AFG2A: variants seen among roughly 807,000 people sequenced by gnomAD.
AFG2A encodes AAA ATPase AFG2A.
the AFG2A span, among the ~76,000 whole-genome samples, chr4:123,196,154 C>G: frequency 2.7e-5 from 4 of 147,480 alleles, no homozygotes; most frequent in Admixed American, 2.8e-4. Context: ...GCGCCCACCA[C>G]CATGCCCAGC....
chr4:123,147,368 AC>A, the AFG2A span, among the ~76,000 whole-genome samples: 1 of 152,122 alleles, frequency 6.6e-6, no homozygotes, highest in Non-Finnish European at 1.5e-5. Flanking sequence ...TACAGGTATT[AC>A]GTTTGAGAGA....
At chr4:123,042,416 G>A in the AFG2A span, among the ~76,000 whole-genome samples, 24,380 of 151,916 alleles carry the variant, frequency 0.16, 2,391 homozygotes, top group East Asian at 0.45. Context: ...CCACCCTCAT[G>A]AACTAATTAC....
At chr4:123,254,653 T>A in the AFG2A span, among the ~76,000 whole-genome samples, 3 of 152,198 alleles carry the variant, frequency 2.0e-5, no homozygotes, top group Non-Finnish European at 4.4e-5. Flanking sequence ...AATATTTAAT[T>A]CATTGATTTT....
the AFG2A span, among the ~76,000 whole-genome samples, chr4:123,157,098 C>T: frequency 1.3e-5 from 2 of 151,996 alleles, no homozygotes; most frequent in African/African-American, 4.8e-5. Context: ...TCACTGCAAC[C>T]TCCACCTCCC....
chr4:123,280,550 A>G, the AFG2A span, among the ~76,000 whole-genome samples: 2 of 152,214 alleles, frequency 1.3e-5, no homozygotes, highest in African/African-American at 4.8e-5. Context: ...CCTCTTGGGA[A>G]CAATCCATTT....
At chr4:122,945,635 C>T in the AFG2A span, among the ~76,000 whole-genome samples, 6 of 152,322 alleles carry the variant, frequency 3.9e-5, no homozygotes, top group Admixed American at 6.5e-5. Context: ...GGCTCGCACA[C>T]GGTGCGCTGC....
chr4:123,045,270 G>C, the AFG2A span, among the ~76,000 whole-genome samples: 1 of 152,010 alleles, frequency 6.6e-6, no homozygotes, highest in Non-Finnish European at 1.5e-5. Flanking sequence ...GAATTTAGTT[G>C]CTGCCATATG....
At chr4:123,234,405 A>C in the AFG2A span, among the ~76,000 whole-genome samples, 1 of 152,116 alleles carries the variant, frequency 6.6e-6, no homozygotes, top group Non-Finnish European at 1.5e-5. Context: ...TGAGGATTGC[A>C]CTAATTACCA....
the AFG2A span, among the ~76,000 whole-genome samples, chr4:123,001,446 T>C: frequency 1.3e-5 from 2 of 151,976 alleles, no homozygotes; most frequent in Admixed American, 6.6e-5. Context: ...CATTTAGTGC[T>C]ATAAATTTCC....
the AFG2A span, among the ~76,000 whole-genome samples, chr4:123,108,568 C>G: frequency 6.6e-6 from 1 of 152,016 alleles, no homozygotes; most frequent in African/African-American, 2.4e-5. Flanking sequence ...TATTTGATGA[C>G]AGACTTAGTC....
the AFG2A span, among the ~76,000 whole-genome samples, chr4:122,999,737 A>G: frequency 1.7e-3 from 264 of 152,338 alleles, no homozygotes; most frequent in African/African-American, 6.0e-3. Context: ...GAAGTCAGGT[A>G]GCATGATGCC....
chr4:123,122,742 A>C, the AFG2A span, among the ~76,000 whole-genome samples: 1 of 151,782 alleles, frequency 6.6e-6, no homozygotes, highest in Non-Finnish European at 1.5e-5. Flanking sequence ...AATGGAATAG[A>C]AAACTACTTT....
chr4:123,112,733 G>A, the AFG2A span, among the ~76,000 whole-genome samples: 1 of 151,876 alleles, frequency 6.6e-6, no homozygotes. Context: ...GACCATAAAA[G>A]CTTCTTCCAA....
chr4:123,245,208 G>A, the AFG2A span, among the ~76,000 whole-genome samples: 1 of 152,116 alleles, frequency 6.6e-6, no homozygotes, highest in East Asian at 1.9e-4. Flanking sequence ...CAAATAACAG[G>A]AGACGATGCT....
the AFG2A span, among the ~76,000 whole-genome samples, chr4:123,055,055 C>G: frequency 6.6e-6 from 1 of 152,094 alleles, no homozygotes; most frequent in Admixed American, 6.5e-5. Context: ...AAATCTGAAC[C>G]CCTGCCTCCC....
At chr4:123,152,335 G>A in the AFG2A span, among the ~76,000 whole-genome samples, 1 of 152,076 alleles carries the variant, frequency 6.6e-6, no homozygotes, top group Non-Finnish European at 1.5e-5. Flanking sequence ...CAAGCTACAG[G>A]CTGGGGGAGA....
At chr4:123,167,999 A>G in the AFG2A span, among the ~76,000 whole-genome samples, 1 of 152,198 alleles carries the variant, frequency 6.6e-6, no homozygotes, top group Admixed American at 6.5e-5. Flanking sequence ...ACACCTATGC[A>G]CACCAAACTG....
the AFG2A span, among the ~76,000 whole-genome samples, chr4:123,201,050 T>G: frequency 6.6e-6 from 1 of 152,240 alleles, no homozygotes; most frequent in African/African-American, 2.4e-5. Flanking sequence ...CATTAAAGTT[T>G]TGTTTGAAAT....
chr4:123,006,033 T>C, the AFG2A span, among the ~76,000 whole-genome samples: 1 of 151,878 alleles, frequency 6.6e-6, no homozygotes, highest in Admixed American at 6.6e-5. Context: ...TCTGGTATCA[T>C]GTTCCTTACT....
Sources: allele counts gnomAD v4.1 joint callset (sites outside exome capture counted in the v4.1 genomes callset), GRCh38; gene constraint gnomAD v4.1.1; transcripts MANE v1.5; gene names NCBI Gene and HGNC (gene_info 2026-07-23, HGNC 2026-07-21).